Variants in TENM3 observed in about 807,000 individuals in gnomAD.
TENM3 encodes teneurin transmembrane protein 3.
A neutral mutation model predicts 255.1 loss-of-function variants in TENM3; 63 were observed. The observed-to-expected ratio is 0.25, with a 90% CI of 0.20 to 0.30. TENM3 has a LOEUF of 0.30. TENM3 is among the 10% of genes least tolerant of loss of function. The pLI is 1.00. For synonymous variants in TENM3, 1,306 were observed against 1,322.3 expected, an observed-to-expected ratio of 0.99 and a Z score of 0.27; for missense variants, 2,929 against 3,461.1, an observed-to-expected ratio of 0.85 and a Z score of 3.86.
rs761945411 is a variant in TENM3 at position 182,751,835 on chromosome 4, A to T, written c.3665A>T (p.Asp1222Val). The stretch of plus-strand genomic sequence containing the variant: ...GCTCATAGATACTACCTTGCAACGG[A>T]TCCAGTCACGGGAGATCTGTACGTT... ...NPAHRYYLAT[D>V]PVTGDLYVSD... Residue 1222 changes from aspartate to valine, a missense_variant, in exon 20 of 28, where the codon GAT (aspartate) becomes GTT (valine). Physicochemically the swap from Asp to Val is radical, Grantham distance 152 (BLOSUM62 -3). This residue lies in a region of TENM3 where 1,608 missense variants were observed against 1,884.4 expected (regional missense o/e 0.85). Coordinates refer to ENST00000511685, the MANE Select transcript of TENM3 (RefSeq NM_001080477.4). The T allele has an allele frequency of 6.2e-7, 1 of 1,613,954 alleles. No individual in the cohort carries two copies. Among genetic ancestry groups the T allele is most frequent in the Admixed American group, 1.7e-5 (1 of 60,022 alleles).
At chr4:182,670,816 C>G (rs755428161) in intron 6 of TENM3, among the ~76,000 whole-genome samples, 3 of 152,158 alleles carry the variant, frequency 2.0e-5, no homozygotes, top group Non-Finnish European at 4.4e-5. Flanking sequence ...ATTATATACA[C>G]ACACCCCACC....
the TENM3 span, among the ~76,000 whole-genome samples, chr4:181,645,289 A>G: frequency 1.3e-5 from 2 of 152,268 alleles, no homozygotes; most frequent in African/African-American, 4.8e-5. Flanking sequence ...ATCACCAGCT[A>G]TCAGCCCGTT....
chr4:182,346,707 C>T lies in TENM3; in HGVS notation c.289C>T (p.Leu97=). 6.2e-7 allele frequency: 1 copy of T among 1,613,754 alleles called. No homozygotes were observed. The highest frequency in any genetic ancestry group is 8.5e-7 in the Non-Finnish European group (1 of 1,179,832). ...GVCEPATRRG[L]AFCAEMGLPH... ...TTGTGAACCAGCAACTCGAAGAGGA[C>T]TGGCATTTTGTGCGGAAATGGGGCT... is the stretch of plus-strand genomic sequence containing the variant. Residue 97 remains leucine (L), a synonymous_variant, in exon 3 of 28, where the codon CTG becomes TTG. Coordinates refer to ENST00000511685, the MANE Select transcript of TENM3 (RefSeq NM_001080477.4).
chr4:182,711,552 T>C (rs990199324), intron 12 of TENM3: 36 of 978,554 alleles, frequency 3.7e-5, no homozygotes, highest in Non-Finnish European at 4.0e-5. Flanking sequence ...TGTCTGTTCT[T>C]TTTTCCTTTT....
At chr4:181,517,451 G>C in the TENM3 span, among the ~76,000 whole-genome samples, 2 of 151,918 alleles carry the variant, frequency 1.3e-5, no homozygotes, top group Non-Finnish European at 2.9e-5. Flanking sequence ...AAAGAGAGCA[G>C]AGAAGTTAGC....
chr4:182,053,701 C>A, the TENM3 span, among the ~76,000 whole-genome samples: 36 of 152,290 alleles, frequency 2.4e-4, no homozygotes, highest in Non-Finnish European at 3.8e-4. Flanking sequence ...GGCAGGGGAA[C>A]CCTGCTTTTG....
chr4:182,385,262 C>CTTTTTTTTTT (rs397762118), intron 3 of TENM3, among the ~76,000 whole-genome samples: 1 of 112,102 alleles, frequency 8.9e-6, no homozygotes, highest in African/African-American at 3.4e-5. Flanking sequence ...TATTGTGCGT[C>CTTTTTTTTTT]TTTTTTTTTT....
intron 4 of TENM3, among the ~76,000 whole-genome samples, chr4:182,603,798 G>A (rs1003683561): frequency 9.7e-5 from 10 of 103,354 alleles, no homozygotes; most frequent in East Asian, 3.9e-4. Flanking sequence ...CACACACACC[G>A]ATTTTGCTAA....
chr4:181,819,903 G>A, the TENM3 span: 1 of 151,602 alleles, frequency 6.6e-6, no homozygotes, highest in South Asian at 2.1e-4. Context: ...AAGTAACTGT[G>A]GTTCTCAAAA....
chr4:182,349,846 G>C (rs1254870544), intron 3 of TENM3: 1 of 384,354 alleles, frequency 2.6e-6, no homozygotes, highest in Non-Finnish European at 5.1e-6. Flanking sequence ...ACTAGCTTGA[G>C]ATGTGTTCTT....
intron 4 of TENM3, among the ~76,000 whole-genome samples, chr4:182,621,255 A>G (rs987848365): frequency 1.3e-5 from 2 of 151,352 alleles, no homozygotes; most frequent in African/African-American, 4.9e-5. Flanking sequence ...GGCTCAAGCA[A>G]TCCTCCTGCC....
At chr4:182,200,867 C>G (rs955111618) in intron 1 of TENM3, among the ~76,000 whole-genome samples, 14 of 151,494 alleles carry the variant, frequency 9.2e-5, no homozygotes, top group Admixed American at 9.2e-4. Context: ...CTCTGTCACC[C>G]AGGCTTGAGT....
chr4:182,771,498 T>G (rs1579435909), intron 22 of TENM3, among the ~76,000 whole-genome samples: 5 of 140,106 alleles, frequency 3.6e-5, no homozygotes, highest in Non-Finnish European at 6.2e-5. Flanking sequence ...GTCTCTGAAA[T>G]GGGGGGGGGG....
intron 24 of TENM3, among the ~76,000 whole-genome samples, chr4:182,785,864 G>C (rs1416508727): frequency 6.6e-6 from 1 of 151,822 alleles, no homozygotes; most frequent in African/African-American, 2.4e-5. Flanking sequence ...GGTGCCCCTT[G>C]TCTGTTCTTT....
At chr4:182,093,025 C>T in the TENM3 span, among the ~76,000 whole-genome samples, 1 of 152,142 alleles carries the variant, frequency 6.6e-6, no homozygotes, top group Admixed American at 6.5e-5. Flanking sequence ...TCATGTCCAC[C>T]TCACCCTGAT....
At chr4:181,685,833 A>C in the TENM3 span, among the ~76,000 whole-genome samples, 1 of 152,184 alleles carries the variant, frequency 6.6e-6, no homozygotes, top group South Asian at 2.1e-4. Flanking sequence ...CAAGCTTGCC[A>C]ATCTCAGAAA....
chr4:181,715,581 A>G, the TENM3 span, among the ~76,000 whole-genome samples: 1 of 152,248 alleles, frequency 6.6e-6, no homozygotes, highest in Admixed American at 6.5e-5. Context: ...CAACAAAGTA[A>G]CTACAATTAG....
chr4:181,690,446 G>C, the TENM3 span, among the ~76,000 whole-genome samples: 8 of 152,256 alleles, frequency 5.3e-5, no homozygotes, highest in Admixed American at 4.6e-4. Context: ...AGAAAAGCCA[G>C]GGATATATAA....
Position 182,799,591 on chromosome 4 carries a change from C to G in TENM3, c.7345-5C>G. 1 of 1,536,372 alleles carries G rather than the reference C, an allele frequency of 6.5e-7. No individual in the cohort carries two copies. The highest frequency in any genetic ancestry group is 8.7e-7 in the Non-Finnish European group (1 of 1,145,976). The stretch of plus-strand genomic sequence containing the variant: ...GACGCGCCCCCTCTTTTGTTTCGCC[C>G]GCAGCCCATCTTCGGAGTCCAGCAG... On this transcript the variant is annotated splice_polypyrimidine_tract_variant and splice_region_variant and intron_variant, in intron 27 of 27. Coordinates refer to ENST00000511685, the MANE Select transcript of TENM3 (RefSeq NM_001080477.4). This position sits in a 1 kb window ranked among gnomAD's most constrained non-coding sequence, Gnocchi z 4.2.
Sources: gnomAD v4.1 joint callset for allele counts (sites outside exome capture counted in the v4.1 genomes callset) on GRCh38, gnomAD v4.1.1 for gene constraint, gnomAD v4.1.1 regional missense constraint, Gnocchi (gnomAD v3.1) non-coding constraint, MANE v1.5 for transcripts, NCBI Gene and HGNC (gene_info 2026-07-23, HGNC 2026-07-21) for gene names.